Variants in PCBP3 observed in about 807,000 individuals in gnomAD.
PCBP3 encodes the protein poly(rC)-binding protein 3.
A neutral mutation model predicts 52.7 loss-of-function variants in PCBP3; 25 were observed. The observed-to-expected ratio is 0.47, with a 90% CI of 0.35 to 0.66. The LOEUF is 0.66. PCBP3 is among the 30% of genes least tolerant of loss of function. The pLI is 0.01. For missense variants in PCBP3, 391 were observed against 490.3 expected (o/e 0.80, Z 1.91); for synonymous variants, 162 against 183.0 (o/e 0.89, Z 0.93).
intron 4 of PCBP3, among the ~76,000 whole-genome samples, chr21:45,786,347 A>G (rs2091159548): frequency 6.6e-6 from 1 of 151,206 alleles, no homozygotes; most frequent in Non-Finnish European, 1.5e-5. Context: ...CTGGAGTGCA[A>G]TGGCACAATC....
At position 45,707,689 on chromosome 21, in the gene PCBP3, A is replaced by G. The variant is rs556994252; in HGVS notation, c.-199-27703A>G. On this transcript the variant is annotated intron_variant, in intron 2 of 17. Transcript: ENST00000681687. ...GGCATAATCAGAATGATTCCAGAGG[A>G]CATTTGCCAAATACAGAGGTATTAT... Among the ~76,000 whole-genome samples the G allele has an allele frequency of 3.9e-5, 6 of 152,314 alleles. 1 individual carries two copies. The highest frequency in any genetic ancestry group is 3.4e-3 in the Middle Eastern group (1 of 294).
chr21:45,862,946 G>A (rs983170609), intron 5 of PCBP3, among the ~76,000 whole-genome samples: 2 of 152,326 alleles, frequency 1.3e-5, no homozygotes, highest in African/African-American at 2.4e-5. Flanking sequence ...TTTGATGGGT[G>A]GAGCAGTGTG....
intron 4 of PCBP3, among the ~76,000 whole-genome samples, chr21:45,793,543 C>T (rs2091747511): frequency 2.0e-5 from 3 of 152,022 alleles, no homozygotes; most frequent in Admixed American, 1.3e-4. Context: ...CCTAGAAGAT[C>T]GTCTCCCCGA....
At chr21:45,923,166 T>A (rs1715359582) in intron 13 of PCBP3, among the ~76,000 whole-genome samples, 1 of 152,088 alleles carries the variant, frequency 6.6e-6, no homozygotes, top group African/African-American at 2.4e-5. Flanking sequence ...TGTTGCAGAG[T>A]GCTTTCTCCT....
intron 5 of PCBP3, among the ~76,000 whole-genome samples, chr21:45,857,625 A>G (rs1418509976): frequency 6.6e-6 from 1 of 152,090 alleles, no homozygotes; most frequent in Non-Finnish European, 1.5e-5. Context: ...ACACCTCACT[A>G]TATCTCCCTA....
rs557210516 is a variant in PCBP3, at chr21:45,799,312, T to C, written c.-126+43860T>C. Among the ~76,000 whole-genome samples the C allele has an allele frequency of 2.0e-5, 3 of 152,326 alleles. No individual in the cohort carries two copies. The South Asian group carries it at 6.2e-4, about 32-fold the overall frequency. Reference sequence around the variant, plus strand: ...GTCCGATGAGTACAGTAGTCCCCCTTTGTCCACAGTTTCACTTTCTGTGAT... The same window carrying C: ...GTCCGATGAGTACAGTAGTCCCCCTCTGTCCACAGTTTCACTTTCTGTGAT... On this transcript the variant is annotated intron_variant, in intron 4 of 17. Transcript: ENST00000681687.
At chr21:45,692,695 C>G (rs940240369) in intron 2 of PCBP3, among the ~76,000 whole-genome samples, 1 of 152,056 alleles carries the variant, frequency 6.6e-6, no homozygotes, top group African/African-American at 2.4e-5. Flanking sequence ...TTCATTCTAC[C>G]AGATGTTTTT....
intron 2 of PCBP3, among the ~76,000 whole-genome samples, chr21:45,711,239 T>A (rs1433184191): frequency 6.6e-6 from 1 of 152,248 alleles, no homozygotes; most frequent in African/African-American, 2.4e-5. Flanking sequence ...GATATATGTT[T>A]GTATACTAAC....
chr21:45,715,219 A>G (rs2084130292), intron 2 of PCBP3, among the ~76,000 whole-genome samples: 3 of 152,180 alleles, frequency 2.0e-5, no homozygotes, highest in East Asian at 1.9e-4. Context: ...TCCTTCCTAT[A>G]CAGAGGGGTA....
intron 2 of PCBP3, among the ~76,000 whole-genome samples, chr21:45,698,913 G>A (rs1196953749): frequency 2.0e-5 from 3 of 152,222 alleles, no homozygotes; most frequent in Non-Finnish European, 2.9e-5. Flanking sequence ...CACGGCAGGG[G>A]CAGGGAACAT....
At chr21:45,726,948 G>A (rs2085091600) in intron 2 of PCBP3, among the ~76,000 whole-genome samples, 1 of 152,064 alleles carries the variant, frequency 6.6e-6, no homozygotes, top group Non-Finnish European at 1.5e-5. Context: ...TATGTGTTTT[G>A]CAAATATTTT....
At chr21:45,808,417 G>A (rs891886442) in intron 4 of PCBP3, among the ~76,000 whole-genome samples, 7 of 152,182 alleles carry the variant, frequency 4.6e-5, no homozygotes, top group African/African-American at 1.4e-4. Context: ...AGACATTTAT[G>A]CGGCCAAAAA....
At chr21:45,824,196 C>T (rs1320778053) in intron 4 of PCBP3, among the ~76,000 whole-genome samples, 2 of 152,156 alleles carry the variant, frequency 1.3e-5, no homozygotes, top group Admixed American at 6.5e-5. Flanking sequence ...CCTGGGAGTC[C>T]TGCCTCCTGC....
Position 45,736,454 on chromosome 21 carries a change from A to C in PCBP3, c.-162+1025A>C, listed in dbSNP as rs1016982549. On this transcript the variant is annotated intron_variant, in intron 3 of 17. Coordinates refer to ENST00000681687, the MANE Select transcript of PCBP3 (RefSeq NM_001384156.1). The surrounding 1 kb of genome is among the most constrained non-coding windows in gnomAD (Gnocchi z 4.6). ...TGCTGTGAGGTCCTGAGCACAGTGC[A>C]TCCTGAGGAGACAGTGCTGCGGGCC... Among the ~76,000 whole-genome samples, 23 of 152,196 alleles carry C rather than the reference A, an allele frequency of 1.5e-4. No homozygotes were observed. The highest frequency in any genetic ancestry group is 5.5e-4 in the African/African-American group (23 of 41,450).
At chr21:45,824,627 T>C (rs2093257883) in intron 4 of PCBP3, among the ~76,000 whole-genome samples, 1 of 152,192 alleles carries the variant, frequency 6.6e-6, no homozygotes, top group Non-Finnish European at 1.5e-5. Flanking sequence ...CTAGGGCCTG[T>C]GGGTCTTTGT....
At chr21:45,914,822 G>A (rs1376607501) in intron 12 of PCBP3, 2 of 152,342 alleles carry the variant, frequency 1.3e-5, no homozygotes, top group Non-Finnish European at 2.9e-5. Flanking sequence ...CGGCCGTGAT[G>A]TGTGTCTTTG....
At chr21:45,941,312 A>C (rs1236220038) in intron 17 of PCBP3, among the ~76,000 whole-genome samples, 2 of 152,078 alleles carry the variant, frequency 1.3e-5, no homozygotes, top group Non-Finnish European at 2.9e-5. Flanking sequence ...TCTTACCCAC[A>C]TACACTTACT....
intron 3 of PCBP3, chr21:45,749,916 G>A (rs565809147): frequency 6.6e-6 from 1 of 152,364 alleles, no homozygotes; most frequent in Non-Finnish European, 1.5e-5. Context: ...TGCTTGTTGT[G>A]TGTCTGTCAT....
intron 2 of PCBP3, among the ~76,000 whole-genome samples, chr21:45,727,208 A>T (rs1340145280): frequency 6.6e-6 from 1 of 152,246 alleles, no homozygotes; most frequent in African/African-American, 2.4e-5. Flanking sequence ...TTGGATGCAA[A>T]GAAAATGTCA....
Sources: allele counts gnomAD v4.1 joint callset (sites outside exome capture counted in the v4.1 genomes callset), GRCh38; gene constraint gnomAD v4.1.1; non-coding constraint Gnocchi (gnomAD v3.1); transcripts MANE v1.5; gene names NCBI Gene and HGNC (gene_info 2026-07-23, HGNC 2026-07-21).